The following MDFIC2 variants were observed in gnomAD, a reference collection of about 807,000 sequenced individuals.
MDFIC2 encodes myoD family inhibitor domain-containing protein 2.
intron 2 of MDFIC2, among the ~76,000 whole-genome samples, chr3:70,280,600 C>T (rs570395974): frequency 1.3e-5 from 2 of 152,112 alleles, no homozygotes; most frequent in Non-Finnish European, 2.9e-5. Context: ...CAGAAGCAGC[C>T]TCAGAAGCAA....
At chr3:70,291,203 G>C (rs2106693125) in intron 2 of MDFIC2, 1 of 152,258 alleles carries the variant, frequency 6.6e-6, no homozygotes, top group Non-Finnish European at 1.5e-5. Context: ...ACTGTCTGGG[G>C]TTTGAAATCA....
At chr3:70,199,848 T>C (rs1701220688) in intron 3 of MDFIC2, among the ~76,000 whole-genome samples, 1 of 152,208 alleles carries the variant, frequency 6.6e-6, no homozygotes, top group African/African-American at 2.4e-5. Context: ...CATCCAAAAG[T>C]GTATACCATA....
chr3:70,229,808 A>T (rs1188780526), intron 2 of MDFIC2, among the ~76,000 whole-genome samples: 1 of 152,136 alleles, frequency 6.6e-6, no homozygotes, highest in Non-Finnish European at 1.5e-5. Flanking sequence ...ACTTTTATTA[A>T]ATTTGGATAC....
chr3:70,219,475 G>T lies in MDFIC2; in HGVS notation c.89-12685C>A, dbSNP rs576263978. Among the ~76,000 whole-genome samples, 16 of 152,202 alleles carry T rather than the reference G, an allele frequency of 1.1e-4. 1 individual carries two copies. The South Asian group carries it at 2.1e-3, about 20-fold the overall frequency. ...ACCTTAACTGATCCAGAAATAATTT[G>T]TTACCATAAACAGAAGAAATTTTTC... On this transcript the variant is annotated intron_variant, in intron 2 of 3. Transcript: ENST00000567252.
At chr3:70,198,096 G>T (rs1701198692) in intron 3 of MDFIC2, among the ~76,000 whole-genome samples, 1 of 152,160 alleles carries the variant, frequency 6.6e-6, no homozygotes, top group South Asian at 2.1e-4. Flanking sequence ...TAAAAAATGT[G>T]TGAGTGCTTT....
At chr3:70,201,968 T>C (rs1421604904) in intron 3 of MDFIC2, among the ~76,000 whole-genome samples, 1 of 152,200 alleles carries the variant, frequency 6.6e-6, no homozygotes, top group Non-Finnish European at 1.5e-5. Context: ...TCTTAGGCAG[T>C]GGTTTTATCT....
In MDFIC2 at chr3:70,266,974, T is replaced by C. The variant is rs559130871; in HGVS notation, c.88+44912A>G. Among the ~76,000 whole-genome samples, 12 of 152,288 alleles carry C rather than the reference T, an allele frequency of 7.9e-5. No homozygotes were observed. In the South Asian group the frequency reaches 2.3e-3, roughly 29 times the overall value. ...GCTGAGGAGCCTTCACATATGAACA[T>C]GCTTGGATGGAGACTGCCAACATTT... is the stretch of plus-strand genomic sequence containing the variant. On this transcript the variant is annotated intron_variant, in intron 2 of 3. Transcript: ENST00000567252.
chr3:70,221,149 G>T (rs766769729), intron 2 of MDFIC2, among the ~76,000 whole-genome samples: 1 of 152,066 alleles, frequency 6.6e-6, no homozygotes, highest in African/African-American at 2.4e-5. Flanking sequence ...TAAAATTTTA[G>T]ATGTGGAATA....
rs1444563422 is a variant in MDFIC2 at position 70,196,900 on chromosome 3, T to C, written c.*26A>G. On this transcript the variant is annotated 3_prime_UTR_variant, in exon 4 of 4. Coordinates refer to ENST00000567252, the MANE Select transcript of MDFIC2 (RefSeq NM_001364677.1). ...AATTTCCCACCGTGGCCAAAAGGAC[T>C]GCCGGAATGTGGTTACTTCACTGTG... 1 of 398,396 alleles carries C rather than the reference T, an allele frequency of 2.5e-6. No homozygotes were observed. The highest frequency in any genetic ancestry group is 2.1e-5 in the African/African-American group (1 of 48,622). The allele number at this position is 398,396 out of a possible 1,614,324, so 24.7% of individuals were successfully genotyped here. A position where few individuals can be genotyped will look rare whatever the true frequency, so the allele number is the denominator to read the frequency against.
intron 2 of MDFIC2, among the ~76,000 whole-genome samples, chr3:70,293,097 A>T (rs1033464767): frequency 7.3e-5 from 11 of 151,270 alleles, no homozygotes; most frequent in African/African-American, 2.4e-4. Flanking sequence ...ACGAGAAGAA[A>T]GAAAATTCAG....
chr3:70,209,123 T>C (rs1172474372), intron 2 of MDFIC2, among the ~76,000 whole-genome samples: 2 of 152,068 alleles, frequency 1.3e-5, no homozygotes, highest in African/African-American at 4.8e-5. Flanking sequence ...AGGCATCCAG[T>C]AATCAGCTAA....
At chr3:70,251,563 C>G (rs9853883) in intron 2 of MDFIC2, among the ~76,000 whole-genome samples, 1,911 of 152,268 alleles carry the variant, frequency 0.013, 52 homozygotes, top group African/African-American at 0.044. Flanking sequence ...CATTCCTGCT[C>G]CTTTCTGGAA....
chr3:70,247,676 CATT>C (rs1358457220), intron 2 of MDFIC2, among the ~76,000 whole-genome samples: 1 of 151,816 alleles, frequency 6.6e-6, no homozygotes, highest in African/African-American at 2.4e-5. Context: ...TCCCAATCAT[CATT>C]ATCATTGGTT....
intron 2 of MDFIC2, among the ~76,000 whole-genome samples, chr3:70,232,670 A>G (rs1559540981): frequency 6.6e-6 from 1 of 152,048 alleles, no homozygotes; most frequent in Non-Finnish European, 1.5e-5. Context: ...AGTGCTTAGG[A>G]TGAAGACATC....
intron 2 of MDFIC2, among the ~76,000 whole-genome samples, chr3:70,268,135 C>T (rs919653666): frequency 6.6e-6 from 1 of 151,742 alleles, no homozygotes; most frequent in Non-Finnish European, 1.5e-5. Flanking sequence ...GCAGAGATAT[C>T]GCATATACTC....
chr3:70,227,956 T>G (rs1450064596), intron 2 of MDFIC2, among the ~76,000 whole-genome samples: 1 of 151,906 alleles, frequency 6.6e-6, no homozygotes, highest in Non-Finnish European at 1.5e-5. Flanking sequence ...AGGTGAATAG[T>G]ATAACATTCA....
At chr3:70,238,258 G>GTTA (rs1701632218) in intron 2 of MDFIC2, among the ~76,000 whole-genome samples, 1 of 151,778 alleles carries the variant, frequency 6.6e-6, no homozygotes, top group South Asian at 2.1e-4. Context: ...TCTATGTAAG[G>GTTA]TGTAAACACT....
At chr3:70,267,261 T>C (rs1018169848) in intron 2 of MDFIC2, among the ~76,000 whole-genome samples, 1 of 152,124 alleles carries the variant, frequency 6.6e-6, no homozygotes, top group Non-Finnish European at 1.5e-5. Context: ...CAAGAATTGA[T>C]GGGTAAATCT....
intron 2 of MDFIC2, among the ~76,000 whole-genome samples, chr3:70,307,482 A>G (rs1211877606): frequency 1.3e-5 from 2 of 152,052 alleles, no homozygotes; most frequent in Admixed American, 6.6e-5. Flanking sequence ...GTATTACCTG[A>G]CATCCTATTC....
Sources: allele counts gnomAD v4.1 joint callset (sites outside exome capture counted in the v4.1 genomes callset), GRCh38; gene constraint gnomAD v4.1.1; transcripts MANE v1.5; gene names NCBI Gene and HGNC (gene_info 2026-07-23, HGNC 2026-07-21).